The following CHMP4A variants were observed in gnomAD, a reference collection of about 807,000 sequenced individuals.
The protein encoded by CHMP4A is SNF7 homolog associated with Alix-2.
Under a neutral mutation model 28.2 loss-of-function variants are expected in CHMP4A, and 29 were observed. The observed-to-expected ratio is 1.03, with a 90% CI of 0.77 to 1.40. The LOEUF (loss-of-function observed/expected upper bound fraction) is 1.40, where lower values mean the gene tolerates loss of function less well. Ranked by LOEUF, CHMP4A falls within the 40% of genes most tolerant of loss-of-function variation. The probability of loss-of-function intolerance (pLI) is 0.00; values close to 1 mark genes in which losing one functional copy is unlikely to be tolerated. For missense variants in CHMP4A, 241 were observed against 263.5 expected, an observed-to-expected ratio of 0.91 and a Z score of 0.59; for synonymous variants, 88 against 99.3, an observed-to-expected ratio of 0.89 and a Z score of 0.67.
At chr14:24,213,102 T>TC (rs2039611729) in intron 1 of CHMP4A, 2 of 390,068 alleles carry the variant, frequency 5.1e-6, no homozygotes, top group Admixed American at 9.6e-5. Flanking sequence ...AAACTCGTCT[T>TC]CAAGCCTGAA....
chr14:24,211,886 A>G, intron 1 of CHMP4A, 57 bp from the exon 2 acceptor site: 12 of 1,487,206 alleles, frequency 8.1e-6, no homozygotes, highest in Non-Finnish European at 1.0e-5. Context: ...TTAGCCACCA[A>G]TCATTGAATA....
At chr14:24,211,930 G>T in intron 1 of CHMP4A, 101 bp from the exon 2 acceptor site, 1 of 1,033,368 alleles carries the variant, frequency 9.7e-7, no homozygotes, top group Non-Finnish European at 1.4e-6. Flanking sequence ...CTGTGTTATT[G>T]CTAATCCCCA....
At chr14:24,210,958 T>C (rs2039586230) in intron 3 of CHMP4A, 190 bp from the exon 4 acceptor site, 1 of 567,286 alleles carries the variant, frequency 1.8e-6, no homozygotes, top group African/African-American at 1.9e-5. Context: ...CCAAGGCAGG[T>C]GGATCACCTG....
chr14:24,209,784 T>C lies in CHMP4A; in HGVS notation c.*93A>G. The C allele has an allele frequency of 2.4e-6, 3 of 1,258,804 alleles. No homozygotes were observed. Among genetic ancestry groups the C allele is most frequent in the Non-Finnish European group, 3.5e-6 (3 of 858,410 alleles). The allele number at this position is 1,258,804 out of a possible 1,614,324, so 78.0% of individuals were successfully genotyped here. On this transcript the variant is annotated 3_prime_UTR_variant, in exon 6 of 6. Coordinates refer to ENST00000347519, the MANE Select transcript of CHMP4A (RefSeq NM_014169.5). ...TCACACTACCACCCTCAGCATGACT[T>C]CCCCAAAAAGTTATCCTCCTTTAGC...
intron 1 of CHMP4A, chr14:24,212,775 C>T (rs1445312163): frequency 1.2e-5 from 2 of 166,842 alleles, no homozygotes; most frequent in East Asian, 3.8e-4. Flanking sequence ...CCATGTTGTC[C>T]AGGCTGGTCT....
Position 24,210,397 on chromosome 14 carries a change from G to A in CHMP4A, c.561C>T (p.Pro187=). 1 of 1,614,138 alleles carries A rather than the reference G, an allele frequency of 6.2e-7. No individual in the cohort carries two copies. Among genetic ancestry groups the A allele is most frequent in the Non-Finnish European group, 8.5e-7 (1 of 1,180,030 alleles). ...LLNVGDKEEE[P]SVKLPSVPST... ...AAGGTACACTAGGCAATTTGACTGA[G>A]GGTTCTTCTTCCTTGTCGCCCACAT... The change falls in exon 5 of 6, where the codon CCC becomes CCT. Residue 187 remains proline, a synonymous_variant. Transcript: ENST00000347519.
chr14:24,209,927 C>G lies in CHMP4A; in HGVS notation c.619G>C (p.Val207Leu). Residue 207 changes from valine to leucine, a missense_variant, in exon 6 of 6, where the codon GTG becomes CTG. Val to Leu is a conservative substitution (Grantham distance 32). Coordinates refer to ENST00000347519, the MANE Select transcript of CHMP4A (RefSeq NM_014169.5). ...TTTAGTGCTTCTTCATCTTCATCCA[C>G]TTTGGGAGCTTTGAGGACAAAGATA... ...THLPAGPAPK[V>L]DEDEEALKQL... The G allele has an allele frequency of 6.2e-7, 1 of 1,614,066 alleles. No homozygotes were observed. Among genetic ancestry groups the G allele is most frequent in the South Asian group, 1.1e-5 (1 of 91,088 alleles).
chr14:24,211,621 GAGTCAGAA>G, intron 2 of CHMP4A, 29 bp from the exon 3 acceptor site: 2 of 1,610,474 alleles, frequency 1.2e-6, no homozygotes, highest in Middle Eastern at 1.7e-4. Context: ...TGAACATCAA[GAGTCAGAA>G]GCACCTGCTT....
chr14:24,211,746 A>T lies in CHMP4A; in HGVS notation c.115T>A (p.Phe39Ile). 6.2e-7 allele frequency: 1 copy of T among 1,614,196 alleles called. No individual in the cohort carries two copies. The highest frequency in any genetic ancestry group is 8.5e-7 in the Non-Finnish European group (1 of 1,180,034). ...TEKILIKKQE[F>I]LEQKIQQELQ... ...TCCTGTTGAATCTTCTGCTCCAAAAATTCCTGTTTCTTGATCAGTATCTTC... is the reference window on the plus strand; with the variant it reads ...TCCTGTTGAATCTTCTGCTCCAAAATTTCCTGTTTCTTGATCAGTATCTTC... The change falls in exon 2 of 6, where the codon TTT becomes ATT. Residue 39 changes from phenylalanine to isoleucine, a missense_variant. Physicochemically the swap from Phe to Ile is conservative, Grantham distance 21 (BLOSUM62 0). Transcript: ENST00000347519.
Position 24,211,779 on chromosome 14 carries a change from C to G in CHMP4A, c.82G>C (p.Glu28Gln). ...TTCTTGATCAGTATCTTCTCTGTCT[C>G]CTTCAGTTTCTGTATTGCTTCTTCA... Reference protein sequence around the residue: ...TPEEAIQKLKETEKILIKKQE... With the variant: ...TPEEAIQKLKQTEKILIKKQE... Residue 28 changes from glutamate (E) to glutamine (Q), a missense_variant, in exon 2 of 6, where the codon GAG (glutamate) becomes CAG (glutamine). Transcript: ENST00000347519. The G allele has an allele frequency of 3.1e-6, 5 of 1,614,170 alleles. No homozygotes were observed. The highest frequency in any genetic ancestry group is 3.4e-6 in the Non-Finnish European group (4 of 1,180,032).
At chr14:24,212,735 T>TTG in intron 1 of CHMP4A, 1 of 189,058 alleles carries the variant, frequency 5.3e-6, no homozygotes, top group Non-Finnish European at 1.1e-5. Context: ...TTTTTTTTTT[T>TTG]TTTGTATTTT....
chr14:24,211,684 C>T lies in CHMP4A; in HGVS notation c.177G>A (p.Lys59=), dbSNP rs1287568542. 2 of 1,614,012 alleles carry T rather than the reference C, an allele frequency of 1.2e-6. No homozygotes were observed. The highest frequency in any genetic ancestry group is 1.7e-5 in the Admixed American group (1 of 59,976). ...TAGGCTTGTTTCCCTCATTACCTCT[C>T]TTATTCTTGGTCCCATACTTCTTGG... ...QTAKKYGTKN[K]RAALQALRRK... Residue 59 remains lysine, a synonymous_variant, in exon 2 of 6, where the codon AAG becomes AAA. Coordinates refer to ENST00000347519, the MANE Select transcript of CHMP4A (RefSeq NM_014169.5).
rs569085037 is a variant in CHMP4A at position 24,209,868 on chromosome 14, C to A, written c.*9G>T. The A allele has an allele frequency of 1.1e-5, 17 of 1,613,170 alleles. No homozygotes were observed. In the African/African-American group the frequency reaches 2.0e-4, roughly 19 times the overall value. On this transcript the variant is annotated 3_prime_UTR_variant, in exon 6 of 6. Transcript: ENST00000347519. ...CAAAGGTAGCATTAGGAAGACAAGC[C>A]CAGATTTATCAGGATACCCACTCAG...
At position 24,211,552 on chromosome 14, in the gene CHMP4A, C is replaced by G. The variant is rs766142791; in HGVS notation, c.222G>C (p.Gln74His). ...ATGTCCCGTCAGTTTGTGCCAGCTGCTGTTCGAATCTTTTCTTCCTCCGCA... is the reference window on the plus strand; with the variant it reads ...ATGTCCCGTCAGTTTGTGCCAGCTGGTGTTCGAATCTTTTCTTCCTCCGCA... ...QALRRKKRFE[Q>H]QLAQTDGTLS... Residue 74 changes from glutamine to histidine, a missense_variant, in exon 3 of 6, where the codon CAG becomes CAC. Gln to His is a conservative substitution (Grantham distance 24). Transcript: ENST00000347519. The G allele has an allele frequency of 6.2e-7, 1 of 1,613,776 alleles. No homozygotes were observed. Among genetic ancestry groups the G allele is most frequent in the Admixed American group, 1.7e-5 (1 of 60,022 alleles).
At chr14:24,210,197 G>T in intron 5 of CHMP4A, 151 bp downstream of exon 5, 1 of 1,047,902 alleles carries the variant, frequency 9.5e-7, no homozygotes, top group Non-Finnish European at 1.4e-6. Context: ...CACAGGCTAG[G>T]TGGGTGCCTA....
rs2039573245 is a variant in CHMP4A, at chr14:24,209,661, T to G, written c.*216A>C. On this transcript the variant is annotated 3_prime_UTR_variant, in exon 6 of 6. Transcript: ENST00000347519. The stretch of plus-strand genomic sequence containing the variant: ...GGGAACAAGGGCATTATAACTGCTA[T>G]CAAAGAGAAGGGAGCCCAAGGGCTC... 1 of 563,566 alleles carries G rather than the reference T, an allele frequency of 1.8e-6. No individual in the cohort carries two copies. The highest frequency in any genetic ancestry group is 3.1e-5 in the Admixed American group (1 of 32,638). The allele number at this position is 563,566 out of a possible 1,614,324, so 34.9% of individuals were successfully genotyped here.
Position 24,213,392 on chromosome 14 carries a change from G to T in CHMP4A, c.31+17C>A. 1 of 1,585,142 alleles carries T rather than the reference G, an allele frequency of 6.3e-7. No homozygotes were observed. Among genetic ancestry groups the T allele is most frequent in the South Asian group, 1.1e-5 (1 of 88,508 alleles). The stretch of plus-strand genomic sequence containing the variant: ...CCAGCCAGCGCCTCCTGGCTGGCCA[G>T]TCCCACCCTGGCTCACCCTTCCCGA... On this transcript the variant is annotated intron_variant, in intron 1 of 5. Transcript: ENST00000347519.
chr14:24,209,683 G>T lies in CHMP4A; in HGVS notation c.*194C>A, dbSNP rs960232485. On this transcript the variant is annotated 3_prime_UTR_variant, in exon 6 of 6. Coordinates refer to ENST00000347519, the MANE Select transcript of CHMP4A (RefSeq NM_014169.5). ...CTATCAAAGAGAAGGGAGCCCAAGG[G>T]CTCCTTCTGTAGCAAGATCCTTCTT... 2 of 615,798 alleles carry T rather than the reference G, an allele frequency of 3.2e-6. No individual in the cohort carries two copies. The highest frequency in any genetic ancestry group is 3.7e-5 in the African/African-American group (2 of 54,210). The allele number at this position is 615,798 out of a possible 1,614,324, so 38.1% of individuals were successfully genotyped here. A position where few individuals can be genotyped will look rare whatever the true frequency, so the allele number is the denominator to read the frequency against.
chr14:24,213,279 T>G (rs1594471907), intron 1 of CHMP4A, 130 bp downstream of exon 1: 11 of 1,154,646 alleles, frequency 9.5e-6, no homozygotes, highest in Non-Finnish European at 6.9e-6. Context: ...GCCGCCGGGG[T>G]TTTCCAGTCA....
Sources: allele counts gnomAD v4.1 joint callset, GRCh38; gene constraint gnomAD v4.1.1; transcripts MANE v1.5; gene names NCBI Gene and HGNC (gene_info 2026-07-23, HGNC 2026-07-21).